TRIM44: variants seen among roughly 807,000 people sequenced by gnomAD.
TRIM44 encodes the protein tripartite motif-containing protein 44.
Under a neutral mutation model 37.4 loss-of-function variants are expected in TRIM44, and 13 were observed. The observed-to-expected ratio is 0.35, with a 90% CI of 0.23 to 0.55. The LOEUF is 0.55. Ranked by LOEUF, TRIM44 falls within the 20% of genes least tolerant of loss-of-function variation. The pLI is 0.89. For missense variants in TRIM44, 426 were observed against 437.2 expected (o/e 0.97, Z 0.23); for synonymous variants, 175 against 157.2 (o/e 1.11, Z -0.85).
chr11:35,672,038 T>C (rs1182116655), intron 1 of TRIM44, among the ~76,000 whole-genome samples: 2 of 152,240 alleles, frequency 1.3e-5, no homozygotes, highest in Non-Finnish European at 2.9e-5. Flanking sequence ...ATCTGGCTTA[T>C]GGATTTATTC....
intron 2 of TRIM44, among the ~76,000 whole-genome samples, chr11:35,717,530 A>G (rs1436107557): frequency 6.6e-6 from 1 of 152,148 alleles, no homozygotes; most frequent in Non-Finnish European, 1.5e-5. Context: ...CAAATTTTCA[A>G]GGAGACTGAT....
chr11:35,705,951 C>A (rs1469833059), intron 2 of TRIM44, among the ~76,000 whole-genome samples: 1 of 148,478 alleles, frequency 6.7e-6, no homozygotes, highest in Admixed American at 6.8e-5. Context: ...AAAAAACCTT[C>A]AAAAAATTAA....
intron 4 of TRIM44, among the ~76,000 whole-genome samples, chr11:35,760,258 C>T (rs762842869): frequency 6.6e-6 from 1 of 152,182 alleles, no homozygotes; most frequent in Non-Finnish European, 1.5e-5. Context: ...TGCTAGCAAT[C>T]AGCGAGGCTC....
At chr11:35,682,254 G>A (rs1590501545) in intron 1 of TRIM44, among the ~76,000 whole-genome samples, 2 of 152,252 alleles carry the variant, frequency 1.3e-5, no homozygotes, top group Middle Eastern at 3.4e-3. Context: ...CCTGAAGATG[G>A]ACCAGTTTCT....
chr11:35,705,577 G>T (rs1272851737), intron 2 of TRIM44, among the ~76,000 whole-genome samples: 1 of 151,870 alleles, frequency 6.6e-6, no homozygotes, highest in Non-Finnish European at 1.5e-5. Flanking sequence ...AGACCACAGT[G>T]CAATCAAACT....
intron 1 of TRIM44, among the ~76,000 whole-genome samples, chr11:35,681,952 C>CT (rs35760830): frequency 0.031 from 3,144 of 101,356 alleles, 92 homozygotes; most frequent in Non-Finnish European, 0.04. Flanking sequence ...ATGTCCCATA[C>CT]TTTTTTTTTT....
chr11:35,726,214 G>A (rs1031792901), intron 3 of TRIM44, 51 bp downstream of exon 3: 45 of 1,599,314 alleles, frequency 2.8e-5, no homozygotes, highest in Non-Finnish European at 3.8e-5. Flanking sequence ...GGAGGAAACT[G>A]ATGCCATATT....
intron 2 of TRIM44, among the ~76,000 whole-genome samples, chr11:35,687,459 C>T (rs759019466): frequency 6.6e-6 from 1 of 152,296 alleles, no homozygotes; most frequent in Non-Finnish European, 1.5e-5. Flanking sequence ...CTAGGATGAA[C>T]CACTTATTAA....
intron 4 of TRIM44, among the ~76,000 whole-genome samples, chr11:35,762,549 G>A (rs1384861496): frequency 6.6e-6 from 1 of 152,190 alleles, no homozygotes; most frequent in Non-Finnish European, 1.5e-5. Flanking sequence ...GTGATAGGAT[G>A]AAATCCTTGC....
chr11:35,691,617 G>A (rs949149107), intron 2 of TRIM44, among the ~76,000 whole-genome samples: 1 of 152,038 alleles, frequency 6.6e-6, no homozygotes, highest in Non-Finnish European at 1.5e-5. Flanking sequence ...GTGTTGAATA[G>A]GCTTATTTAT....
chr11:35,779,561 C>T (rs752741436), intron 4 of TRIM44, among the ~76,000 whole-genome samples: 2 of 152,172 alleles, frequency 1.3e-5, no homozygotes, highest in African/African-American at 2.4e-5. Flanking sequence ...CCTATTCAGC[C>T]ATCCCCTCCT....
intron 4 of TRIM44, among the ~76,000 whole-genome samples, chr11:35,769,067 T>A (rs1852833102): frequency 1.3e-5 from 2 of 152,216 alleles, no homozygotes; most frequent in African/African-American, 4.8e-5. Flanking sequence ...AATAACCAGC[T>A]GGAACCGGGT....
At chr11:35,754,499 GTTTATT>G (rs1366647872) in intron 4 of TRIM44, among the ~76,000 whole-genome samples, 1 of 151,762 alleles carries the variant, frequency 6.6e-6, no homozygotes, top group East Asian at 1.9e-4. Flanking sequence ...AATCTTTATA[GTTTATT>G]TTTATTTTTT....
intron 2 of TRIM44, among the ~76,000 whole-genome samples, chr11:35,704,766 A>C (rs1430123715): frequency 6.6e-6 from 1 of 152,234 alleles, no homozygotes; most frequent in African/African-American, 2.4e-5. Flanking sequence ...AGGAAGCACT[A>C]AACATGCAAA....
chr11:35,686,744 G>A (rs1333227861), intron 2 of TRIM44, among the ~76,000 whole-genome samples: 1 of 151,948 alleles, frequency 6.6e-6, no homozygotes, highest in Non-Finnish European at 1.5e-5. Flanking sequence ...TTTTACTAGC[G>A]ACAGAGTTTC....
intron 4 of TRIM44, among the ~76,000 whole-genome samples, chr11:35,736,657 A>T (rs887546957): frequency 3.3e-5 from 5 of 152,148 alleles, no homozygotes; most frequent in African/African-American, 1.2e-4. Context: ...AGTTTTTAAC[A>T]TCTGCTCTGG....
At chr11:35,664,968 G>A (rs1048168449) in intron 1 of TRIM44, among the ~76,000 whole-genome samples, 2 of 152,084 alleles carry the variant, frequency 1.3e-5, no homozygotes, top group African/African-American at 2.4e-5. Flanking sequence ...TTGACACTAT[G>A]GGTGTCATAT....
chr11:35,773,909 G>A (rs1405637024), intron 4 of TRIM44, among the ~76,000 whole-genome samples: 3 of 152,134 alleles, frequency 2.0e-5, no homozygotes, highest in African/African-American at 7.2e-5. Context: ...CTTTGCTATT[G>A]TGAATAGTGC....
chr11:35,702,926 A>G (rs1192363549), intron 2 of TRIM44, among the ~76,000 whole-genome samples: 2 of 152,218 alleles, frequency 1.3e-5, no homozygotes, highest in Non-Finnish European at 2.9e-5. Context: ...GGTGCAGCGC[A>G]CCATGCACGA....
Sources: allele counts gnomAD v4.1 joint callset (sites outside exome capture counted in the v4.1 genomes callset), GRCh38; gene constraint gnomAD v4.1.1; transcripts MANE v1.5; gene names NCBI Gene and HGNC (gene_info 2026-07-23, HGNC 2026-07-21).